SIM2: variants seen among roughly 807,000 people sequenced by gnomAD.
SIM2 encodes SIM bHLH transcription factor 2.
A neutral mutation model predicts 64.8 loss-of-function variants in SIM2; 28 were observed. That is an observed-to-expected ratio of 0.43 (90% confidence interval 0.32 to 0.59). SIM2 has a LOEUF of 0.59. Ranked by LOEUF, SIM2 falls within the 20% of genes least tolerant of loss-of-function variation. The pLI, the probability that SIM2 is intolerant of heterozygous loss-of-function variation, is 0.07. For missense variants in SIM2, 847 were observed against 871.4 expected (o/e 0.97, Z 0.35); for synonymous variants, 408 against 391.1 (o/e 1.04, Z -0.51).
chr21:36,709,425 C>T, intron 2 of SIM2, 175 bp downstream of exon 2: 2 of 707,628 alleles, frequency 2.8e-6, no homozygotes, highest in South Asian at 1.5e-5. Context: ...ATGTCGGATG[C>T]GGCCTGCGGC....
intron 2 of SIM2, among the ~76,000 whole-genome samples, chr21:36,712,043 T>C (rs2088682531): frequency 6.6e-6 from 1 of 152,224 alleles, no homozygotes; most frequent in Non-Finnish European, 1.5e-5. Flanking sequence ...GCAGTGGTAG[T>C]GTTCGGAATT....
At chr21:36,704,821 T>C (rs1217423194) in intron 1 of SIM2, among the ~76,000 whole-genome samples, 1 of 152,194 alleles carries the variant, frequency 6.6e-6, no homozygotes, top group African/African-American at 2.4e-5. Flanking sequence ...GCGGGAGGCT[T>C]TCTTGGGGCG....
At chr21:36,728,917 T>C (rs1237948298) in intron 6 of SIM2, among the ~76,000 whole-genome samples, 1 of 152,146 alleles carries the variant, frequency 6.6e-6, no homozygotes, top group African/African-American at 2.4e-5. Flanking sequence ...TAACCTGAAA[T>C]TGGGTTTGTC....
At chr21:36,709,082 G>C in intron 1 of SIM2, 86 bp from the exon 2 acceptor site, 1 of 1,204,334 alleles carries the variant, frequency 8.3e-7, no homozygotes, top group Non-Finnish European at 1.2e-6. Flanking sequence ...GGCTGGCAGG[G>C]TGCAGGGGTT....
intron 3 of SIM2, among the ~76,000 whole-genome samples, chr21:36,714,388 C>CA (rs2088716415): frequency 6.6e-6 from 1 of 151,934 alleles, no homozygotes; most frequent in Admixed American, 6.6e-5. Context: ...GCAGTCAAAG[C>CA]AAAAAGGGAA....
rs1436657717 is a variant in SIM2 at position 36,749,015 on chromosome 21, A to AC, written c.*925dup. 1.3e-5 allele frequency: 2 copies of AC among 152,692 alleles called. No individual in the cohort carries two copies. Among genetic ancestry groups the AC allele is most frequent in the African/African-American group, 4.8e-5 (2 of 41,484 alleles). 9.5% of individuals were successfully genotyped at this position (152,692 alleles called of 1,614,324 possible). A position where few individuals can be genotyped will look rare whatever the true frequency, so the allele number is the denominator to read the frequency against. On this transcript the variant is annotated 3_prime_UTR_variant, in exon 11 of 11. Coordinates refer to ENST00000290399, the MANE Select transcript of SIM2 (RefSeq NM_005069.6). ...ATACGGAACACTGTCAATGGACTGC[A>AC]CCTTGTGAAGGAAAAACATGCTTAA... is the stretch of plus-strand genomic sequence containing the variant.
chr21:36,744,778 C>A lies in SIM2; in HGVS notation c.1218C>A (p.Asn406Lys), dbSNP rs766430136. The change falls in exon 10 of 11, where the codon AAC (asparagine) becomes AAA (lysine). Residue 406 changes from asparagine to lysine, a missense_variant. Asn to Lys is a moderately conservative substitution (Grantham distance 94). This residue lies in a region of SIM2 where 447 missense variants were observed against 414.6 expected (regional missense o/e 1.08). Coordinates refer to ENST00000290399, the MANE Select transcript of SIM2 (RefSeq NM_005069.6). ...AACTGGAATGCGGCCAGCTCGGAAA[C>A]TGGAGAGCCAGTCCCCCTGCAAGCG... ...MDKLECGQLG[N>K]WRASPPASAA... 6.2e-7 allele frequency: 1 copy of A among 1,612,948 alleles called. No individual in the cohort carries two copies. Among genetic ancestry groups the A allele is most frequent in the Admixed American group, 1.7e-5 (1 of 59,814 alleles).
At chr21:36,724,138 C>G (rs1333623217) in intron 5 of SIM2, among the ~76,000 whole-genome samples, 2 of 152,246 alleles carry the variant, frequency 1.3e-5, no homozygotes, top group African/African-American at 4.8e-5. Context: ...CCTCTTTGAC[C>G]CCACTCTGAG....
chr21:36,738,860 G>T (rs183456388), intron 7 of SIM2, among the ~76,000 whole-genome samples: 26 of 152,368 alleles, frequency 1.7e-4, no homozygotes, highest in Non-Finnish European at 2.6e-4. Flanking sequence ...AGTCGGCTGA[G>T]ATGCAGATGT....
intron 1 of SIM2, among the ~76,000 whole-genome samples, chr21:36,705,762 G>A (rs957778132): frequency 2.0e-5 from 3 of 152,204 alleles, no homozygotes; most frequent in African/African-American, 7.2e-5. Context: ...TGGAGGGCTG[G>A]GGTTAGGGAC....
At position 36,745,202 on chromosome 21, in the gene SIM2, G is replaced by A; in HGVS notation, c.1576+66G>A. ...CACGGCCGGGAGCCGAAGCAGCCAT[G>A]GCGGTGGGTGGCAGATGGAGACAGA... On this transcript the variant is annotated intron_variant, in intron 10 of 10. Coordinates refer to ENST00000290399, the MANE Select transcript of SIM2 (RefSeq NM_005069.6). The surrounding 1 kb of genome is among the most constrained non-coding windows in gnomAD (Gnocchi z 4.8). 1 of 1,533,302 alleles carries A rather than the reference G, an allele frequency of 6.5e-7. No homozygotes were observed. Among genetic ancestry groups the A allele is most frequent in the Admixed American group, 2.1e-5 (1 of 48,564 alleles). 95.0% of individuals were successfully genotyped at this position (1,533,302 alleles called of 1,614,324 possible). A position where few individuals can be genotyped will look rare whatever the true frequency, so the allele number is the denominator to read the frequency against.
chr21:36,712,973 G>C (rs1179817723), intron 3 of SIM2, among the ~76,000 whole-genome samples: 1 of 152,178 alleles, frequency 6.6e-6, no homozygotes, highest in Admixed American at 6.5e-5. Flanking sequence ...CACACTTGCT[G>C]GTCTGCACGT....
chr21:36,712,391 C>G (rs1309290508), intron 2 of SIM2, 142 bp from the exon 3 acceptor site: 2 of 605,448 alleles, frequency 3.3e-6, no homozygotes, highest in Non-Finnish European at 5.8e-6. Context: ...TTTTTAAGAC[C>G]CTGGGCTTCA....
chr21:36,716,042 T>A (rs1261643529), intron 3 of SIM2, among the ~76,000 whole-genome samples: 1 of 152,178 alleles, frequency 6.6e-6, no homozygotes, highest in African/African-American at 2.4e-5. Flanking sequence ...AGAGGCAGGC[T>A]TTCAGCCTGA....
chr21:36,701,227 C>G (rs903848760), intron 1 of SIM2: 2 of 152,374 alleles, frequency 1.3e-5, no homozygotes, highest in Admixed American at 1.3e-4. Context: ...CGCAGGGCGC[C>G]GGACGGTCGG....
At chr21:36,741,673 G>A (rs556651968) in intron 7 of SIM2, 44 bp from the exon 8 acceptor site, 10 of 1,603,126 alleles carry the variant, frequency 6.2e-6, no homozygotes, top group South Asian at 5.6e-5. Context: ...CCAGAGGTGG[G>A]GCCTGCGAAG....
chr21:36,720,248 T>C (rs181934279), intron 4 of SIM2: 4 of 278,610 alleles, frequency 1.4e-5, no homozygotes, highest in Non-Finnish European at 2.8e-5. Context: ...ATCACGGGTC[T>C]AGACCAAGCT....
At chr21:36,735,092 A>G (rs1160240890) in intron 7 of SIM2, among the ~76,000 whole-genome samples, 1 of 152,212 alleles carries the variant, frequency 6.6e-6, no homozygotes, top group African/African-American at 2.4e-5. Context: ...GGGATACCCC[A>G]GAGCCAGTGT....
In SIM2 at chr21:36,726,107, C is replaced by G; in HGVS notation, c.544-12C>G. The G allele has an allele frequency of 6.2e-7, 1 of 1,611,144 alleles. No homozygotes were observed. Among genetic ancestry groups the G allele is most frequent in the South Asian group, 1.1e-5 (1 of 91,038 alleles). ...AGTGGCCAGTGGCTGACCCTGCCCT[C>G]TCCACTCCCAGGTCATCCACTGCAG... On this transcript the variant is annotated splice_polypyrimidine_tract_variant and intron_variant, in intron 5 of 10. Coordinates refer to ENST00000290399, the MANE Select transcript of SIM2 (RefSeq NM_005069.6). The surrounding 1 kb of genome is among the most constrained non-coding windows in gnomAD (Gnocchi z 4.5).
Sources: gnomAD v4.1 joint callset for allele counts (sites outside exome capture counted in the v4.1 genomes callset) on GRCh38, gnomAD v4.1.1 for gene constraint, gnomAD v4.1.1 regional missense constraint, Gnocchi (gnomAD v3.1) non-coding constraint, MANE v1.5 for transcripts, NCBI Gene and HGNC (gene_info 2026-07-23, HGNC 2026-07-21) for gene names.